The following ELL3 variants were observed in gnomAD, a reference collection of about 807,000 sequenced individuals.
The protein encoded by ELL3 is RNA polymerase II elongation factor ELL3.
ELL3 carries 48 observed loss-of-function variants against 58.5 expected under a neutral mutation model. The observed-to-expected ratio is 0.82, with a 90% CI of 0.65 to 1.04. ELL3 has a LOEUF of 1.04. Ranked by LOEUF, ELL3 falls within the 50% of genes least tolerant of loss-of-function variation. ELL3 has a pLI of 0.00. For synonymous variants in ELL3, 174 were observed against 173.2 expected (o/e 1.00, Z -0.04); for missense variants, 458 against 478.4 (o/e 0.96, Z 0.40).
In ELL3 at chr15:43,775,829, G is replaced by C; in HGVS notation, c.376C>G (p.Gln126Glu). ...GCATCTTCAGTCAGGTTGTGTCCCT[G>C]AACTGATGATGGGGCTGGGATAGAA... Reference protein sequence around the residue: ...MDSIPAPSSVQGHNLTEDARH... With the variant: ...MDSIPAPSSVEGHNLTEDARH... The change falls in exon 4 of 11, where the codon CAG (glutamine) becomes GAG (glutamate). Residue 126 changes from glutamine to glutamate, a missense_variant. Physicochemically the swap from Gln to Glu is conservative, Grantham distance 29 (BLOSUM62 2). Coordinates refer to ENST00000319359, the MANE Select transcript of ELL3 (RefSeq NM_025165.3). 2 of 1,614,196 alleles carry C rather than the reference G, an allele frequency of 1.2e-6. No individual in the cohort carries two copies. The highest frequency in any genetic ancestry group is 1.7e-6 in the Non-Finnish European group (2 of 1,180,048).
intron 9 of ELL3, 132 bp from the exon 10 acceptor site, chr15:43,773,480 T>G (rs1490434773): frequency 1.2e-5 from 11 of 891,868 alleles, no homozygotes; most frequent in Non-Finnish European, 1.9e-5. Context: ...TCAGGAGATC[T>G]TGACCATCCT....
In ELL3 at chr15:43,774,185, G is replaced by C. The variant is rs1173438413; in HGVS notation, c.1035C>G (p.Tyr345Ter). 2.5e-6 allele frequency: 4 copies of C among 1,614,018 alleles called. No individual in the cohort carries two copies. The African/African-American group carries it at 5.3e-5, about 22-fold the overall frequency. ...CCAGGCTGGGTCCTGTCCTTACCTT[G>C]TATTCTGGAGTTCCTCGCCGAACTC... ...IKRVRRGTPE[Y>*]KVLEDKIIQE... Residue 345 changes from tyrosine (Y) to a stop codon, truncating the protein, a stop_gained, in exon 9 of 11, where the codon TAC (tyrosine) becomes TAG (stop). Coordinates refer to ENST00000319359, the MANE Select transcript of ELL3 (RefSeq NM_025165.3). LOFTEE classifies it high-confidence loss of function.
Position 43,775,376 on chromosome 15 carries a change from T to C in ELL3, c.575A>G (p.Gln192Arg). The change falls in exon 6 of 11, where the codon CAG becomes CGG. Residue 192 changes from glutamine to arginine, a missense_variant. By Grantham distance (43) the Gln-to-Arg change is conservative. Coordinates refer to ENST00000319359, the MANE Select transcript of ELL3 (RefSeq NM_025165.3). ...EHMAQWEVRS[Q>R]THVPNREPVQ... ...AGGTTCTCTGTTTGGAACATGGGTC[T>C]GGCTTCTAGGATATTTTAAGGGAAT... 1 of 1,613,510 alleles carries C rather than the reference T, an allele frequency of 6.2e-7. No individual in the cohort carries two copies.
At chr15:43,775,163 T>C in intron 6 of ELL3, 143 bp downstream of exon 6, 1 of 767,948 alleles carries the variant, frequency 1.3e-6, no homozygotes, top group Non-Finnish European at 2.1e-6. Context: ...CAGAGAGACC[T>C]TGTCTCTAAA....
At chr15:43,775,208 A>G in intron 6 of ELL3, 98 bp downstream of exon 6, 1 of 1,263,926 alleles carries the variant, frequency 7.9e-7, no homozygotes. Context: ...TCCAATTTCT[A>G]AATTTTAGCT....
In ELL3 at chr15:43,775,725, C is replaced by T; in HGVS notation, c.480G>A (p.Glu160=). ...TGCAATTTCTGGCCTCACCCACCTC[C>T]TCTAGTGCCATCTGTGGCTGTGATA... is the stretch of plus-strand genomic sequence containing the variant. The part of the protein sequence containing the change: ...DAVSQPQMAL[E]EVSVSDPLAS... Residue 160 remains glutamate (E), a synonymous_variant, in exon 4 of 11, where the codon GAG becomes GAA. Transcript: ENST00000319359. 2 of 1,614,174 alleles carry T rather than the reference C, an allele frequency of 1.2e-6. No individual in the cohort carries two copies. The highest frequency in any genetic ancestry group is 1.7e-6 in the Non-Finnish European group (2 of 1,180,046).
rs773832006 is a variant in ELL3, at chr15:43,774,815, T to C, written c.646-42A>G. ...CTGTGTGACATAAACAGCCAAGAGCTTCCTAAATATGTTCTTCTCTCAAGA... is the reference window on the plus strand; with the variant it reads ...CTGTGTGACATAAACAGCCAAGAGCCTCCTAAATATGTTCTTCTCTCAAGA... On this transcript the variant is annotated intron_variant, in intron 6 of 10. Coordinates refer to ENST00000319359, the MANE Select transcript of ELL3 (RefSeq NM_025165.3). 7.8e-6 allele frequency: 12 copies of C among 1,537,806 alleles called. No homozygotes were observed. In the Admixed American group the frequency reaches 1.6e-4, roughly 20 times the overall value.
At position 43,772,624 on chromosome 15, in the gene ELL3, A is replaced by T. The variant is rs548009479; in HGVS notation, c.*492T>A. On this transcript the variant is annotated 3_prime_UTR_variant, in exon 11 of 11. Transcript: ENST00000319359. Reference sequence around the variant, plus strand: ...AAAGGACACAGAAGCAGTCAGTTTTAATTTTTTAGCCATGTTGGTAAAAGT... The same window carrying T: ...AAAGGACACAGAAGCAGTCAGTTTTTATTTTTTAGCCATGTTGGTAAAAGT... The T allele has an allele frequency of 4.6e-5, 7 of 152,420 alleles. No homozygotes were observed. Among genetic ancestry groups the T allele is most frequent in the African/African-American group, 1.7e-4 (7 of 41,598 alleles). 9.4% of individuals were successfully genotyped at this position (152,420 alleles called of 1,614,324 possible).
At chr15:43,775,688 A>T (rs746790926) in intron 4 of ELL3, 34 bp downstream of exon 4, 1 of 1,613,996 alleles carries the variant, frequency 6.2e-7, no homozygotes, top group Non-Finnish European at 8.5e-7. Context: ...GCCCCACCTT[A>T]TCACAACTCC....
rs765065531 is a variant in ELL3, at chr15:43,774,701, G to A, written c.718C>T (p.Pro240Ser). Residue 240 changes from proline to serine, a missense_variant, in exon 7 of 11, where the codon CCC (proline) becomes TCC (serine). Pro to Ser is a moderately conservative substitution (Grantham distance 74). Coordinates refer to ENST00000319359, the MANE Select transcript of ELL3 (RefSeq NM_025165.3). ...RFRTLPLVPS[P>S]LQGLTNQDLQ... ...TCCTGATTGGTCAGGCCTTGTAGGG[G>A]GCTTGGCACTAAAGGCAGAGTTCTG... The A allele has an allele frequency of 5.6e-6, 9 of 1,613,986 alleles. No individual in the cohort carries two copies. Among genetic ancestry groups the A allele is most frequent in the South Asian group, 5.5e-5 (5 of 91,078 alleles).
In ELL3 at chr15:43,774,246, C is replaced by T. The variant is rs935965442; in HGVS notation, c.974G>A (p.Ser325Asn). The T allele has an allele frequency of 5.6e-6, 9 of 1,614,052 alleles. No homozygotes were observed. Among genetic ancestry groups the T allele is most frequent in the Admixed American group, 1.7e-5 (1 of 60,000 alleles). Residue 325 changes from serine (S) to asparagine (N), a missense_variant, in exon 9 of 11, where the codon AGC (serine) becomes AAC (asparagine). Transcript: ENST00000319359. ...RILHARVGTA[S>N]QRFIELGAEI... ...TGCTCCCAGCTCTATGAACCTTTGG[C>T]TTGCAGTCCCAACACGGGCATGCAG...
chr15:43,776,198 C>A, intron 2 of ELL3, 47 bp from the exon 3 acceptor site: 1 of 1,527,574 alleles, frequency 6.5e-7, no homozygotes, highest in South Asian at 1.1e-5. Context: ...AGCCCCTCCC[C>A]CTCCTGCCGC....
In ELL3 at chr15:43,774,346, T is replaced by C; in HGVS notation, c.874A>G (p.Arg292Gly). Reference protein sequence around the residue: ...EDIPDYLLQYRAIHSAEQQHA... With the variant: ...EDIPDYLLQYGAIHSAEQQHA... ...TGCTGTTCTGCACTGTGGATGGCCC[T>C]GTATTGCCTGCCAGGAGCAGAGAGT... The change falls in exon 9 of 11, where the codon AGG becomes GGG. Residue 292 changes from arginine (R) to glycine (G), a missense_variant. Coordinates refer to ENST00000319359, the MANE Select transcript of ELL3 (RefSeq NM_025165.3). 1 of 1,614,170 alleles carries C rather than the reference T, an allele frequency of 6.2e-7. No homozygotes were observed. The highest frequency in any genetic ancestry group is 8.5e-7 in the Non-Finnish European group (1 of 1,179,986).
At chr15:43,774,035 T>A (rs1001644618) in intron 9 of ELL3, 147 bp downstream of exon 9, 2 of 1,002,906 alleles carry the variant, frequency 2.0e-6, no homozygotes, top group African/African-American at 3.2e-5. Flanking sequence ...CCCTTCTCAT[T>A]CTACCAAATG....
chr15:43,774,275 G>GCGGT lies in ELL3; in HGVS notation c.941_944dup (p.Ile316ProfsTer22), dbSNP rs768549050. On this transcript the variant is annotated frameshift_variant, in exon 9 of 11. Coordinates refer to ENST00000319359, the MANE Select transcript of ELL3 (RefSeq NM_025165.3). LOFTEE classifies it high-confidence loss of function. ...CAGTCCCAACACGGGCATGCAGGAT[G>GCGGT]CGGTATTCAGCATAATCTGTCTCAA... is the stretch of plus-strand genomic sequence containing the variant. The GCGGT allele has an allele frequency of 5.6e-6, 9 of 1,614,200 alleles. No homozygotes were observed. Among genetic ancestry groups the GCGGT allele is most frequent in the Non-Finnish European group, 7.6e-6 (9 of 1,180,044 alleles).
At chr15:43,774,905 G>C in intron 6 of ELL3, 132 bp from the exon 7 acceptor site, 1 of 992,104 alleles carries the variant, frequency 1.0e-6, no homozygotes, top group Non-Finnish European at 1.4e-6. Context: ...GGCTCAGGTG[G>C]GGGGATCGCT....
chr15:43,774,002 C>A (rs947302877), intron 9 of ELL3, among the ~76,000 whole-genome samples, 180 bp downstream of exon 9: 2 of 151,862 alleles, frequency 1.3e-5, no homozygotes, highest in African/African-American at 4.8e-5. Context: ...ACTGTCCCCC[C>A]AAAAAAAGAA....
intron 9 of ELL3, among the ~76,000 whole-genome samples, chr15:43,773,873 A>G (rs373416557): frequency 1.5e-4 from 23 of 152,224 alleles, no homozygotes; most frequent in Non-Finnish European, 3.1e-4. Context: ...ATGGTGGCAC[A>G]TACCTATAAT....
Position 43,776,525 on chromosome 15 carries a change from A to T in ELL3, c.152T>A (p.Phe51Tyr). 1.3e-6 allele frequency: 2 copies of T among 1,568,058 alleles called. No homozygotes were observed. The highest frequency in any genetic ancestry group is 1.7e-6 in the Non-Finnish European group (2 of 1,154,870). Residue 51 changes from phenylalanine to tyrosine, a missense_variant, in exon 2 of 11, where the codon TTC becomes TAC. Coordinates refer to ENST00000319359, the MANE Select transcript of ELL3 (RefSeq NM_025165.3). ...QRQQVRPVIA[F>Y]QGHRGYLRLP... ...CGCACTTACCCCTCGGTGGCCTTGG[A>T]AAGCAATCACCGGCCGTACCTGCGG...
Sources: allele counts gnomAD v4.1 joint callset (sites outside exome capture counted in the v4.1 genomes callset), GRCh38; gene constraint gnomAD v4.1.1; transcripts MANE v1.5; gene names NCBI Gene and HGNC (gene_info 2026-07-23, HGNC 2026-07-21).